The following FOCAD variants were observed in gnomAD, a reference collection of about 807,000 sequenced individuals.
FOCAD encodes KIAA1797.
Under a neutral mutation model 225.6 loss-of-function variants are expected in FOCAD, and 198 were observed. The ratio of observed to expected loss-of-function variants is 0.88; its 90% CI spans 0.78 to 0.99. The LOEUF (loss-of-function observed/expected upper bound fraction) is 0.99, where lower values mean the gene tolerates loss of function less well. Among genes scored for constraint, FOCAD ranks in the 50% least tolerant of loss-of-function variants. The probability of loss-of-function intolerance (pLI) is 0.00; values close to 1 mark genes in which losing one functional copy is unlikely to be tolerated. For missense variants in FOCAD, 2,713 were observed against 2,123.6 expected, an observed-to-expected ratio of 1.28 and a Z score of -5.46; for synonymous variants, 897 against 755.0, an observed-to-expected ratio of 1.19 and a Z score of -3.08.
At chr9:20,736,847 A>C (rs754276281) in intron 4 of FOCAD, among the ~76,000 whole-genome samples, 1 of 152,066 alleles carries the variant, frequency 6.6e-6, no homozygotes, top group Non-Finnish European at 1.5e-5. Context: ...AGTTAATTCA[A>C]ATTGAAGTAG....
intron 24 of FOCAD, among the ~76,000 whole-genome samples, chr9:20,917,811 G>C (rs1464014776): frequency 6.6e-6 from 1 of 152,076 alleles, no homozygotes; most frequent in Non-Finnish European, 1.5e-5. Flanking sequence ...AACAAAAAAT[G>C]ATCTACCTTA....
rs545976303 is a variant in FOCAD, at chr9:20,986,266, A to ATTTTTTTTTT, written c.4729-14_4729-5dup. On this transcript the variant is annotated intron_variant, in intron 39 of 43. Coordinates refer to ENST00000338382, the MANE Select transcript of FOCAD (RefSeq NM_001375567.1). ...CAGTTAATTTAATAGTAACTAAACA[A>ATTTTTTTTTT]TTTTTTTTTTTTTTTTTGCAGAGCA... 1,510 of 709,666 alleles carry ATTTTTTTTTT rather than the reference A, an allele frequency of 2.1e-3. 349 individuals carry two copies. Among genetic ancestry groups the ATTTTTTTTTT allele is most frequent in the African/African-American group, 8.1e-3 (270 of 33,130 alleles). The allele number at this position is 709,666 out of a possible 1,614,324, so 44.0% of individuals were successfully genotyped here.
intron 18 of FOCAD, among the ~76,000 whole-genome samples, chr9:20,873,630 A>G (rs1207305876): frequency 1.3e-5 from 2 of 152,076 alleles, no homozygotes; most frequent in Admixed American, 6.6e-5. Flanking sequence ...CTCCTTCACT[A>G]GTGAAGAGAA....
chr9:20,829,298 T>C (rs1201256195), intron 15 of FOCAD, among the ~76,000 whole-genome samples: 1 of 152,114 alleles, frequency 6.6e-6, no homozygotes, highest in Admixed American at 6.6e-5. Flanking sequence ...CCAGCATCTG[T>C]TATTTCTTGA....
intron 15 of FOCAD, among the ~76,000 whole-genome samples, chr9:20,861,181 A>G (rs1419294819): frequency 1.3e-5 from 2 of 152,190 alleles, no homozygotes; most frequent in African/African-American, 2.4e-5. Context: ...CATATCATAT[A>G]CCTTTTTGTT....
intron 11 of FOCAD, among the ~76,000 whole-genome samples, chr9:20,791,447 A>G (rs1820530960): frequency 6.6e-6 from 1 of 152,194 alleles, no homozygotes; most frequent in Non-Finnish European, 1.5e-5. Flanking sequence ...AATTAATAGT[A>G]TATCCATCAC....
intron 15 of FOCAD, among the ~76,000 whole-genome samples, chr9:20,829,389 A>G (rs1174280921): frequency 2.0e-5 from 3 of 151,026 alleles, no homozygotes; most frequent in South Asian, 2.1e-4. Context: ...ATGATCAGTG[A>G]TGTTAATACC....
At chr9:20,801,992 T>A (rs2039390) in intron 11 of FOCAD, among the ~76,000 whole-genome samples, 130,965 of 152,062 alleles carry the variant, frequency 0.86, 56,494 homozygotes, top group Admixed American at 0.91. Flanking sequence ...TTCACGATAG[T>A]TGTTATAATA....
At position 20,929,992 on chromosome 9, in the gene FOCAD, G is replaced by A. The variant is rs375488529; in HGVS notation, c.3317+396G>A. Reference sequence around the variant, plus strand: ...TTTGTTGATATCATTGAAAATGAGAGGAGAGGATTGGCATATCTCTAGTGC... The same window carrying A: ...TTTGTTGATATCATTGAAAATGAGAAGAGAGGATTGGCATATCTCTAGTGC... On this transcript the variant is annotated intron_variant, in intron 27 of 43. Transcript: ENST00000338382. Among the ~76,000 whole-genome samples the A allele has an allele frequency of 2.0e-5, 3 of 152,294 alleles. No individual in the cohort carries two copies. The South Asian group carries it at 6.2e-4, about 32-fold the overall frequency.
At chr9:20,951,351 C>G (rs56058720) in intron 34 of FOCAD, among the ~76,000 whole-genome samples, 1 of 152,168 alleles carries the variant, frequency 6.6e-6, no homozygotes, top group Non-Finnish European at 1.5e-5. Context: ...TTTACTCCTT[C>G]TCTCTGCCTC....
In FOCAD at chr9:20,819,836, G is replaced by A. The variant is rs760242048; in HGVS notation, c.1496G>A (p.Arg499Lys). The change falls in exon 12 of 44, where the codon AGA becomes AAA. Residue 499 changes from arginine to lysine, a missense_variant. By Grantham distance (26) the Arg-to-Lys change is conservative. Coordinates refer to ENST00000338382, the MANE Select transcript of FOCAD (RefSeq NM_001375567.1). ...LIPVLMFKLG[R>K]PLEPILYNDI... The stretch of plus-strand genomic sequence containing the variant: ...CCAGTTTTGATGTTCAAATTGGGAA[G>A]ACCACTGGAACCTATATTATATAAT... The A allele has an allele frequency of 4.5e-6, 7 of 1,539,230 alleles. No individual in the cohort carries two copies. The highest frequency in any genetic ancestry group is 6.1e-6 in the Non-Finnish European group (7 of 1,144,990).
At chr9:20,877,662 G>A (rs186234884) in intron 19 of FOCAD, among the ~76,000 whole-genome samples, 2 of 152,240 alleles carry the variant, frequency 1.3e-5, no homozygotes, top group African/African-American at 4.8e-5. Flanking sequence ...ATACTCTGAT[G>A]CACAACTGAA....
intron 1 of FOCAD, among the ~76,000 whole-genome samples, chr9:20,688,623 G>T (rs563675478): frequency 5.9e-4 from 89 of 152,056 alleles, no homozygotes; most frequent in African/African-American, 2.0e-3. Context: ...AAGAGAGTTT[G>T]TAGAATAAGA....
chr9:20,674,548 A>G (rs1354202937), intron 2 of FOCAD, among the ~76,000 whole-genome samples: 2 of 152,180 alleles, frequency 1.3e-5, no homozygotes, highest in African/African-American at 4.8e-5. Context: ...GAATTTTTTA[A>G]GACCCCTAGC....
At chr9:20,972,416 A>G (rs1488828840) in intron 35 of FOCAD, among the ~76,000 whole-genome samples, 1 of 152,010 alleles carries the variant, frequency 6.6e-6, no homozygotes, top group Admixed American at 6.6e-5. Context: ...GGTCATCTTC[A>G]TATGCTTGTT....
chr9:20,915,438 A>G (rs964503445), intron 23 of FOCAD, among the ~76,000 whole-genome samples: 1 of 152,178 alleles, frequency 6.6e-6, no homozygotes, highest in Admixed American at 6.5e-5. Context: ...AGGCATTCTA[A>G]GGAGCAACCA....
At chr9:20,798,734 CTCTTT>C (rs968584749) in intron 11 of FOCAD, among the ~76,000 whole-genome samples, 10 of 151,934 alleles carry the variant, frequency 6.6e-5, no homozygotes, top group African/African-American at 1.2e-4. Flanking sequence ...TGATTCTTCT[CTCTTT>C]TCTTCTTTAT....
intron 7 of FOCAD, 66 bp from the exon 8 acceptor site, chr9:20,769,966 G>T: frequency 7.1e-7 from 1 of 1,414,416 alleles, no homozygotes; most frequent in South Asian, 1.3e-5. Context: ...AAAGCTTTTT[G>T]TGTACTTTAA....
At chr9:20,720,561 T>C (rs1358796211) in intron 4 of FOCAD, 27 bp downstream of exon 4, 1 of 1,602,144 alleles carries the variant, frequency 6.2e-7, no homozygotes, top group South Asian at 1.1e-5. Context: ...GTTTGGTCAG[T>C]TAATGATTTA....
Sources: allele counts gnomAD v4.1 joint callset (sites outside exome capture counted in the v4.1 genomes callset), GRCh38; gene constraint gnomAD v4.1.1; transcripts MANE v1.5; gene names NCBI Gene and HGNC (gene_info 2026-07-23, HGNC 2026-07-21).